The following SPECC1 variants were observed in gnomAD, a reference collection of about 807,000 sequenced individuals.
The protein encoded by SPECC1 is cytospin-B.
SPECC1 carries 62 observed loss-of-function variants against 104.1 expected under a neutral mutation model. The observed-to-expected ratio is 0.60, with a 90% confidence interval of 0.49 to 0.74. The LOEUF (loss-of-function observed/expected upper bound fraction) is 0.74. Among genes scored for constraint, SPECC1 ranks in the 30% least tolerant of loss-of-function variants. The probability of loss-of-function intolerance (pLI) is 0.00; values close to 1 mark genes in which losing one functional copy is unlikely to be tolerated. For missense variants in SPECC1, 1,306 were observed against 1,310.5 expected (o/e 1.00, Z 0.05); for synonymous variants, 513 against 501.6 (o/e 1.02, Z -0.30).
intron 7 of SPECC1, among the ~76,000 whole-genome samples, chr17:20,235,281 C>G (rs1047474871): frequency 3.3e-5 from 5 of 152,140 alleles, no homozygotes; most frequent in African/African-American, 1.2e-4. Flanking sequence ...TCTTTCTCTT[C>G]CAGAAATGTG....
chr17:20,077,288 T>A (rs955031600), intron 1 of SPECC1, among the ~76,000 whole-genome samples: 3 of 152,190 alleles, frequency 2.0e-5, no homozygotes, highest in African/African-American at 7.2e-5. Flanking sequence ...TAACCAGTTT[T>A]TCCAATATCA....
chr17:20,068,671 G>C (rs969085169), intron 1 of SPECC1, among the ~76,000 whole-genome samples: 24 of 152,292 alleles, frequency 1.6e-4, no homozygotes, highest in African/African-American at 5.5e-4. Flanking sequence ...CTTTTGGCTA[G>C]AGCCATCCCA....
intron 2 of SPECC1, among the ~76,000 whole-genome samples, chr17:20,104,406 C>G (rs926915002): frequency 1.3e-5 from 2 of 152,092 alleles, no homozygotes; most frequent in Admixed American, 6.6e-5. Flanking sequence ...AGTCTCATAG[C>G]AATGAGGACA....
chr17:20,247,031 G>C (rs749177954), intron 8 of SPECC1, among the ~76,000 whole-genome samples, 188 bp from the exon 9 acceptor site: 1 of 152,144 alleles, frequency 6.6e-6, no homozygotes, highest in Non-Finnish European at 1.5e-5. Context: ...CCTCCACTCA[G>C]CTAAATCTTC....
At chr17:20,238,409 T>C (rs1007221525) in intron 7 of SPECC1, 46 of 1,041,436 alleles carry the variant, frequency 4.4e-5, no homozygotes, top group Admixed American at 5.6e-5. Context: ...AGAAACCTTC[T>C]GCAATCCTCA....
chr17:20,289,776 C>T (rs1421989172), intron 12 of SPECC1, among the ~76,000 whole-genome samples: 1 of 151,958 alleles, frequency 6.6e-6, no homozygotes, highest in Non-Finnish European at 1.5e-5. Flanking sequence ...CTAGGGGACT[C>T]GGTTGGGGTT....
At chr17:20,231,880 G>C (rs375500541) in intron 6 of SPECC1, 49 bp downstream of exon 6, 1 of 1,564,408 alleles carries the variant, frequency 6.4e-7, no homozygotes. Flanking sequence ...TGAATTACCC[G>C]CTCCGAGGTG....
intron 3 of SPECC1, among the ~76,000 whole-genome samples, chr17:20,128,849 C>T (rs2049454246): frequency 6.6e-6 from 1 of 151,754 alleles, no homozygotes; most frequent in Non-Finnish European, 1.5e-5. Flanking sequence ...AAATTAAAGT[C>T]AATATAAAGG....
chr17:20,130,777 T>C (rs2049576565), intron 3 of SPECC1, among the ~76,000 whole-genome samples: 1 of 152,224 alleles, frequency 6.6e-6, no homozygotes, highest in Non-Finnish European at 1.5e-5. Flanking sequence ...TGAGATTTGA[T>C]AGTAATTGTG....
At chr17:20,152,139 A>G (rs1322484106) in intron 3 of SPECC1, among the ~76,000 whole-genome samples, 1 of 151,932 alleles carries the variant, frequency 6.6e-6, no homozygotes, top group African/African-American at 2.4e-5. Flanking sequence ...CATCTCTACA[A>G]AAATAAAAAA....
At position 20,318,489 on chromosome 17, in the gene SPECC1, ATC is replaced by A. The variant is rs1013059280; in HGVS notation, c.*4428_*4429del. On this transcript the variant is annotated 3_prime_UTR_variant, in exon 15 of 15. Coordinates refer to ENST00000395527, the MANE Select transcript of SPECC1 (RefSeq NM_001243439.2). Reference sequence around the variant, plus strand: ...GGGACAAGCCATCCAGCGGTGAGGAATCTCTGCCATGTTCTCTTCCCTGCTGC... The same window carrying A: ...GGGACAAGCCATCCAGCGGTGAGGAATCTGCCATGTTCTCTTCCCTGCTGC... 2 of 231,404 alleles carry A rather than the reference ATC, an allele frequency of 8.6e-6. No homozygotes were observed. The highest frequency in any genetic ancestry group is 8.5e-6 in the Non-Finnish European group (1 of 117,034). 14.3% of individuals were successfully genotyped at this position (231,404 alleles called of 1,614,324 possible). A position where few individuals can be genotyped will look rare whatever the true frequency, so the allele number is the denominator to read the frequency against.
chr17:20,305,814 G>A lies in SPECC1; in HGVS notation c.3058-209G>A. The A allele has an allele frequency of 4.4e-6, 2 of 449,756 alleles. 1 individual carries two copies. Among genetic ancestry groups the A allele is most frequent in the South Asian group, 1.0e-4 (2 of 19,932 alleles). The allele number at this position is 449,756 out of a possible 1,614,324, so 27.9% of individuals were successfully genotyped here. ...GTAAACAAAAATTTATCTTTGATAG[G>A]TGTCAATCAGTAATGTTAGTTTTGG... is the stretch of plus-strand genomic sequence containing the variant. On this transcript the variant is annotated intron_variant, in intron 13 of 14. Coordinates refer to ENST00000395527, the MANE Select transcript of SPECC1 (RefSeq NM_001243439.2).
At chr17:20,140,897 C>T (rs550606527) in intron 3 of SPECC1, among the ~76,000 whole-genome samples, 1 of 152,352 alleles carries the variant, frequency 6.6e-6, no homozygotes, top group Admixed American at 6.5e-5. Context: ...CCAAGGGCAA[C>T]ATCTTGCCTT....
rs1407338664 is a variant in SPECC1 at position 20,318,306 on chromosome 17, G to T, written c.*4241G>T. ...TAACCCATGGCCCCCGCCCTGCGGGGATAACATTCTCAGGAGCTTCTCTTG... is the reference window on the plus strand; with the variant it reads ...TAACCCATGGCCCCCGCCCTGCGGGTATAACATTCTCAGGAGCTTCTCTTG... On this transcript the variant is annotated 3_prime_UTR_variant, in exon 15 of 15. Transcript: ENST00000395527. 8.6e-6 allele frequency: 2 copies of T among 232,416 alleles called. No individual in the cohort carries two copies. The highest frequency in any genetic ancestry group is 2.2e-5 in the African/African-American group (1 of 45,318). The allele number at this position is 232,416 out of a possible 1,614,324, so 14.4% of individuals were successfully genotyped here.
intron 1 of SPECC1, among the ~76,000 whole-genome samples, chr17:20,096,350 T>C (rs1485405043): frequency 1.3e-5 from 2 of 152,226 alleles, no homozygotes; most frequent in Non-Finnish European, 2.9e-5. Context: ...GGGTATTTGG[T>C]GGAATGCTGT....
intron 3 of SPECC1, among the ~76,000 whole-genome samples, chr17:20,163,274 A>G (rs1039883132): frequency 6.6e-6 from 1 of 152,234 alleles, no homozygotes; most frequent in Non-Finnish European, 1.5e-5. Flanking sequence ...GTAGCTCTTG[A>G]AATTTTCAAG....
chr17:20,304,117 C>CAAAAAAAA (rs774130653), intron 13 of SPECC1, among the ~76,000 whole-genome samples: 6 of 39,336 alleles, frequency 1.5e-4, no homozygotes, highest in Admixed American at 3.7e-4. Flanking sequence ...ACTAAAAATA[C>CAAAAAAAA]AAAAAAAAAA....
At chr17:20,029,057 C>T (rs2044709345) in intron 1 of SPECC1, among the ~76,000 whole-genome samples, 1 of 152,136 alleles carries the variant, frequency 6.6e-6, no homozygotes. Flanking sequence ...CCGCCACCCC[C>T]AGCCTCATCT....
intron 3 of SPECC1, among the ~76,000 whole-genome samples, chr17:20,174,569 C>G (rs1233442327): frequency 1.3e-5 from 2 of 151,544 alleles, no homozygotes; most frequent in Admixed American, 1.3e-4. Flanking sequence ...GGGCCTTCAC[C>G]GTGTCCCAAA....
Sources: gnomAD v4.1 joint callset for allele counts (sites outside exome capture counted in the v4.1 genomes callset) on GRCh38, gnomAD v4.1.1 for gene constraint, MANE v1.5 for transcripts, NCBI Gene and HGNC (gene_info 2026-07-23, HGNC 2026-07-21) for gene names.